PLCL2: variants seen among roughly 807,000 people sequenced by gnomAD.
The protein encoded by PLCL2 is phospholipase C like 2, also known as inactive phospholipase C-like protein 2.
In PLCL2, 4 loss-of-function variants were observed where a neutral mutation model predicts 79.6. That is an observed-to-expected ratio of 0.05 (90% CI 0.02 to 0.11). PLCL2 has a LOEUF of 0.11. Ranked by LOEUF, PLCL2 falls within the 10% of genes least tolerant of loss-of-function variation. PLCL2 has a pLI of 1.00. For missense variants in PLCL2, 895 were observed against 1,291.0 expected, an observed-to-expected ratio of 0.69 and a Z score of 4.70; for synonymous variants, 484 against 457.7, an observed-to-expected ratio of 1.06 and a Z score of -0.73.
Position 16,978,811 on chromosome 3 carries a change from A to G in PLCL2, c.328-30863A>G, listed in dbSNP as rs530430646. ...AACCTTATTGAAAATGACTTTTCAC[A>G]TTAGGAGGTTTCGTTGGCAGAGAAT... On this transcript the variant is annotated intron_variant, in intron 1 of 5. Coordinates refer to ENST00000615277, the MANE Select transcript of PLCL2 (RefSeq NM_001144382.2). 3.9e-5 allele frequency among the ~76,000 whole-genome samples: 6 copies of G among 152,360 alleles called. No individual in the cohort carries two copies. The East Asian group carries it at 1.2e-3, about 29-fold the overall frequency.
intron 1 of PLCL2, among the ~76,000 whole-genome samples, chr3:17,000,135 C>T (rs2125001734): frequency 6.6e-6 from 1 of 152,192 alleles, no homozygotes; most frequent in East Asian, 1.9e-4. Flanking sequence ...TTAGAGATGC[C>T]TTTGTCTTTG....
chr3:16,937,255 G>A (rs1286666039), intron 1 of PLCL2, among the ~76,000 whole-genome samples: 3 of 152,114 alleles, frequency 2.0e-5, no homozygotes, highest in Non-Finnish European at 2.9e-5. Context: ...ATAGGCTACC[G>A]GGAGGAACCC....
At chr3:16,973,135 T>C (rs1288561955) in intron 1 of PLCL2, among the ~76,000 whole-genome samples, 1 of 152,182 alleles carries the variant, frequency 6.6e-6, no homozygotes, top group Non-Finnish European at 1.5e-5. Flanking sequence ...TTCCTCTCCA[T>C]CTTAAGCACT....
At chr3:16,944,796 G>A (rs1304554975) in intron 1 of PLCL2, among the ~76,000 whole-genome samples, 1 of 149,338 alleles carries the variant, frequency 6.7e-6, no homozygotes, top group Non-Finnish European at 1.5e-5. Flanking sequence ...GTCTCCTTCT[G>A]TCGCCCAGGC....
At chr3:16,981,893 G>T (rs2064002315) in intron 1 of PLCL2, among the ~76,000 whole-genome samples, 1 of 152,196 alleles carries the variant, frequency 6.6e-6, no homozygotes, top group East Asian at 1.9e-4. Context: ...CACCTCAGGA[G>T]TATGGTGATA....
At chr3:17,052,169 G>A (rs538025117) in intron 4 of PLCL2, among the ~76,000 whole-genome samples, 27 of 147,086 alleles carry the variant, frequency 1.8e-4, no homozygotes, top group African/African-American at 3.8e-4. Flanking sequence ...GGAGAAAACC[G>A]TCCAGATGTT....
intron 1 of PLCL2, among the ~76,000 whole-genome samples, chr3:16,891,331 T>G (rs1696344419): frequency 6.6e-6 from 1 of 152,254 alleles, no homozygotes; most frequent in Admixed American, 6.5e-5. Flanking sequence ...AGATGATTGA[T>G]GTGTGAGCAG....
intron 1 of PLCL2, among the ~76,000 whole-genome samples, chr3:16,945,784 A>G (rs922420921): frequency 1.3e-5 from 2 of 152,104 alleles, no homozygotes; most frequent in African/African-American, 2.4e-5. Flanking sequence ...ACACACAGCA[A>G]ATTTGTAGAC....
At chr3:17,072,514 CA>C (rs2065069470) in intron 5 of PLCL2, among the ~76,000 whole-genome samples, 1 of 151,852 alleles carries the variant, frequency 6.6e-6, no homozygotes, top group Admixed American at 6.6e-5. Context: ...ACTGAAAATA[CA>C]AAAATTAGTT....
At chr3:16,973,565 G>GA (rs1399709684) in intron 1 of PLCL2, among the ~76,000 whole-genome samples, 1 of 152,024 alleles carries the variant, frequency 6.6e-6, no homozygotes, top group Non-Finnish European at 1.5e-5. Context: ...TAGTAAAGTG[G>GA]AAAAAAATGA....
chr3:17,051,442 A>G (rs1403164018), intron 4 of PLCL2, among the ~76,000 whole-genome samples: 2 of 152,178 alleles, frequency 1.3e-5, no homozygotes, highest in African/African-American at 4.8e-5. Flanking sequence ...ATGCACCTAT[A>G]AAAATTTAAA....
intron 3 of PLCL2, among the ~76,000 whole-genome samples, chr3:17,030,124 G>A (rs969717859): frequency 1.3e-5 from 2 of 151,954 alleles, no homozygotes; most frequent in African/African-American, 2.4e-5. Context: ...ATGGGGTCTC[G>A]CTATGTTACC....
rs35185988 is a variant in PLCL2, at chr3:17,089,929, C to T, written c.*17C>T. ...GGAGAATGAGGAAACTTACAATAAA[C>T]CATTATGGAGTTTATAACTCTAGGA... On this transcript the variant is annotated 3_prime_UTR_variant, in exon 6 of 6. Transcript: ENST00000615277. 0.16 allele frequency: 263,181 copies of T among 1,607,952 alleles called. 24,555 individuals are homozygous for T. The highest frequency in any genetic ancestry group is 0.19 in the Non-Finnish European group (217,837 of 1,177,080).
intron 1 of PLCL2, among the ~76,000 whole-genome samples, chr3:16,995,472 G>C (rs1168443887): frequency 1.3e-5 from 2 of 152,232 alleles, no homozygotes. Context: ...CCTCACAACA[G>C]AGGCAGGCTA....
At chr3:16,934,878 A>G (rs1021856035) in intron 1 of PLCL2, among the ~76,000 whole-genome samples, 1 of 152,158 alleles carries the variant, frequency 6.6e-6, no homozygotes, top group African/African-American at 2.4e-5. Flanking sequence ...GATTATGTGC[A>G]ATGCATTTAA....
chr3:16,981,671 A>T (rs1389704810), intron 1 of PLCL2, among the ~76,000 whole-genome samples: 1 of 152,246 alleles, frequency 6.6e-6, no homozygotes, highest in Non-Finnish European at 1.5e-5. Flanking sequence ...GGGTTCCCTT[A>T]GTACAAAAGT....
chr3:17,075,534 C>T (rs1340884724), intron 5 of PLCL2, among the ~76,000 whole-genome samples: 1 of 143,556 alleles, frequency 7.0e-6, no homozygotes, highest in African/African-American at 2.7e-5. Context: ...TTGCCACAAA[C>T]CTTCAATGTG....
intron 3 of PLCL2, among the ~76,000 whole-genome samples, chr3:17,034,552 A>G (rs2064621863): frequency 6.6e-6 from 1 of 152,232 alleles, no homozygotes; most frequent in Admixed American, 6.5e-5. Context: ...CACCACCACT[A>G]TGACTACTGT....
chr3:17,056,611 C>T, intron 4 of PLCL2, among the ~76,000 whole-genome samples: 1 of 152,094 alleles, frequency 6.6e-6, no homozygotes, highest in Non-Finnish European at 1.5e-5. Flanking sequence ...TCACTGTATT[C>T]TCATTATAGG....
Sources: allele counts gnomAD v4.1 joint callset (sites outside exome capture counted in the v4.1 genomes callset), GRCh38; gene constraint gnomAD v4.1.1; transcripts MANE v1.5; gene names NCBI Gene and HGNC (gene_info 2026-07-23, HGNC 2026-07-21).